ANKS1B: variants seen among roughly 807,000 people sequenced by gnomAD.
ANKS1B encodes ankyrin repeat and sterile alpha motif domain-containing protein 1B.
ANKS1B carries 36 observed loss-of-function variants against 148.3 expected under a neutral mutation model. That is an observed-to-expected ratio of 0.24 (90% CI 0.19 to 0.32). ANKS1B has a LOEUF of 0.32. ANKS1B is among the 10% of genes least tolerant of loss of function. ANKS1B has a pLI of 1.00. For synonymous variants in ANKS1B, 542 were observed against 560.8 expected (o/e 0.97, Z 0.47); for missense variants, 1,157 against 1,542.6 (o/e 0.75, Z 4.19).
At chr12:99,188,143 A>AT (rs2080131897) in intron 14 of ANKS1B, among the ~76,000 whole-genome samples, 1 of 152,224 alleles carries the variant, frequency 6.6e-6, no homozygotes, top group Non-Finnish European at 1.5e-5. Flanking sequence ...AAAAAGAGCT[A>AT]ACTATTCTAA....
At chr12:99,006,301 T>C (rs1300317938) in intron 17 of ANKS1B, among the ~76,000 whole-genome samples, 1 of 152,224 alleles carries the variant, frequency 6.6e-6, no homozygotes, top group Admixed American at 6.5e-5. Flanking sequence ...GAAATTAACA[T>C]ATTCATTCTC....
intron 10 of ANKS1B, among the ~76,000 whole-genome samples, chr12:99,501,215 G>T (rs2096652364): frequency 6.6e-6 from 1 of 151,878 alleles, no homozygotes; most frequent in Admixed American, 6.6e-5. Context: ...ACTAATTCCA[G>T]TATTTGAAAG....
chr12:98,987,222 G>A (rs1217242643), intron 17 of ANKS1B, among the ~76,000 whole-genome samples: 1 of 151,038 alleles, frequency 6.6e-6, no homozygotes, highest in Non-Finnish European at 1.5e-5. Flanking sequence ...TAGCATACAA[G>A]ATAAGAAGTT....
intron 17 of ANKS1B, among the ~76,000 whole-genome samples, chr12:98,945,494 CAACA>C (rs1443177039): frequency 5.9e-5 from 1 of 16,958 alleles, no homozygotes; most frequent in Admixed American, 1.1e-3. Context: ...GACCCTGTCT[CAACA>C]AACAAACAAA....
chr12:99,844,783 GT>G (rs1195173413), intron 1 of ANKS1B, among the ~76,000 whole-genome samples: 9 of 152,114 alleles, frequency 5.9e-5, no homozygotes, highest in Admixed American at 2.6e-4. Context: ...AATGTCAATG[GT>G]AGTTTAATAG....
At chr12:98,758,722 CCTTCT>C (rs1383886948) in intron 25 of ANKS1B, among the ~76,000 whole-genome samples, 5 of 151,778 alleles carry the variant, frequency 3.3e-5, no homozygotes, top group South Asian at 2.1e-4. Flanking sequence ...TCTTCCCTTC[CCTTCT>C]CTTCTCTTCT....
At chr12:99,093,474 A>AACATCGTG (rs2054807293) in intron 15 of ANKS1B, 1 of 152,274 alleles carries the variant, frequency 6.6e-6, no homozygotes, top group African/African-American at 2.4e-5. Flanking sequence ...CCAACATCGT[A>AACATCGTG]TTTGGGTGTT....
intron 8 of ANKS1B, among the ~76,000 whole-genome samples, chr12:99,768,069 C>T (rs1036458180): frequency 9.9e-5 from 15 of 152,058 alleles, no homozygotes; most frequent in East Asian, 1.9e-4. Flanking sequence ...TAAAATACTT[C>T]CAAAACTCAA....
intron 17 of ANKS1B, among the ~76,000 whole-genome samples, chr12:98,992,105 A>G (rs1332342130): frequency 6.6e-6 from 1 of 152,202 alleles, no homozygotes; most frequent in Non-Finnish European, 1.5e-5. Context: ...TACCTGTACC[A>G]TCTGGTTCCT....
intron 2 of ANKS1B, among the ~76,000 whole-genome samples, chr12:99,824,830 A>G (rs1251358464): frequency 6.6e-6 from 1 of 152,210 alleles, no homozygotes; most frequent in Non-Finnish European, 1.5e-5. Flanking sequence ...CTAGAAAGAC[A>G]ATCATGAATG....
At chr12:98,866,485 G>A (rs970013999) in intron 17 of ANKS1B, among the ~76,000 whole-genome samples, 1 of 152,174 alleles carries the variant, frequency 6.6e-6, no homozygotes, top group Non-Finnish European at 1.5e-5. Flanking sequence ...AGGCTGACAT[G>A]TGCACATTGG....
chr12:99,767,066 C>T (rs761102045), intron 8 of ANKS1B, among the ~76,000 whole-genome samples: 56 of 151,922 alleles, frequency 3.7e-4, no homozygotes, highest in Non-Finnish European at 6.6e-4. Flanking sequence ...ACCTCACTCC[C>T]AGAGAGTATT....
rs538430184 is a variant in ANKS1B at position 99,224,378 on chromosome 12, G to A, written c.2419+19964C>T. 3.3e-5 allele frequency among the ~76,000 whole-genome samples: 5 copies of A among 152,260 alleles called. No homozygotes were observed. In the South Asian group the frequency reaches 1.0e-3, roughly 32 times the overall value. ...CAGTGTTGGAGGTAGGGTCGACTGG[G>A]AGGTGACTGGATCATGGGGGGTGGT... is the stretch of plus-strand genomic sequence containing the variant. On this transcript the variant is annotated intron_variant, in intron 14 of 26. Transcript: ENST00000683438.
intron 9 of ANKS1B, among the ~76,000 whole-genome samples, chr12:99,552,134 T>TA (rs1458695927): frequency 6.6e-6 from 1 of 151,810 alleles, no homozygotes. Flanking sequence ...CAGTTTTTTT[T>TA]ATCTTTCCTT....
intron 17 of ANKS1B, among the ~76,000 whole-genome samples, chr12:98,920,097 G>C (rs2099799451): frequency 6.6e-6 from 1 of 152,184 alleles, no homozygotes; most frequent in South Asian, 2.1e-4. Context: ...CAGCACTGGG[G>C]AGAAAATCTA....
intron 9 of ANKS1B, among the ~76,000 whole-genome samples, chr12:99,588,560 G>A (rs1048950819): frequency 6.6e-6 from 1 of 151,234 alleles, no homozygotes; most frequent in Non-Finnish European, 1.5e-5. Flanking sequence ...GGGACTACAG[G>A]CACCCGCCAC....
chr12:99,619,482 C>G (rs530818223), intron 9 of ANKS1B, among the ~76,000 whole-genome samples: 1 of 152,116 alleles, frequency 6.6e-6, no homozygotes, highest in Admixed American at 6.5e-5. Flanking sequence ...CCAGGCAGAT[C>G]TCCAGGCATT....
chr12:99,398,974 C>T (rs1357951909), intron 12 of ANKS1B, among the ~76,000 whole-genome samples: 2 of 151,982 alleles, frequency 1.3e-5, no homozygotes, highest in Admixed American at 6.6e-5. Context: ...TGTCTTTAAC[C>T]CTTATTGTAA....
rs897924225 is a variant in ANKS1B at position 99,950,298 on chromosome 12, T to C, written c.134+33806A>G. ...TTAGTAGCTTGTTCTCATCTAAATATTAAGCTTATTTGGATATTTCCTGAC... is the reference window on the plus strand; with the variant it reads ...TTAGTAGCTTGTTCTCATCTAAATACTAAGCTTATTTGGATATTTCCTGAC... On this transcript the variant is annotated intron_variant, in intron 1 of 26. Transcript: ENST00000683438. Among the ~76,000 whole-genome samples, 9 of 151,918 alleles carry C rather than the reference T, an allele frequency of 5.9e-5. 1 individual carries two copies. The highest frequency in any genetic ancestry group is 2.1e-4 in the South Asian group (1 of 4,812).
Sources: allele counts gnomAD v4.1 joint callset (sites outside exome capture counted in the v4.1 genomes callset), GRCh38; gene constraint gnomAD v4.1.1; transcripts MANE v1.5; gene names NCBI Gene and HGNC (gene_info 2026-07-23, HGNC 2026-07-21).